Variants in NECTIN3 observed in about 807,000 individuals in gnomAD.
NECTIN3 encodes the protein nectin cell adhesion molecule 3.
A neutral mutation model predicts 49.4 loss-of-function variants in NECTIN3; 8 were observed. The ratio of observed to expected loss-of-function variants is 0.16; its 90% CI spans 0.10 to 0.29. The LOEUF is 0.29. NECTIN3 is among the 10% of genes least tolerant of loss of function. The probability of loss-of-function intolerance (pLI) is 1.00; values close to 1 mark genes in which losing one functional copy is unlikely to be tolerated. For synonymous variants in NECTIN3, 277 were observed against 241.1 expected, an observed-to-expected ratio of 1.15 and a Z score of -1.38; for missense variants, 581 against 654.6, an observed-to-expected ratio of 0.89 and a Z score of 1.23.
chr3:111,192,596 A>T (rs1162678289), intron 1 of NECTIN3, among the ~76,000 whole-genome samples: 1 of 152,198 alleles, frequency 6.6e-6, no homozygotes, highest in East Asian at 1.9e-4. Context: ...GAAACCAATA[A>T]CGGGCAGAAG....
At chr3:111,121,370 T>A (rs1278981804) in intron 3 of NECTIN3, among the ~76,000 whole-genome samples, 1 of 151,932 alleles carries the variant, frequency 6.6e-6, no homozygotes, top group Non-Finnish European at 1.5e-5. Flanking sequence ...CTAAACAGAG[T>A]GATGGTTGAA....
chr3:111,153,583 T>C (rs538940753), intron 7 of NECTIN3, among the ~76,000 whole-genome samples: 1 of 152,140 alleles, frequency 6.6e-6, no homozygotes, highest in Non-Finnish European at 1.5e-5. Context: ...TACTGTGCAT[T>C]TGCTGTTATT....
At chr3:111,140,244 A>G (rs2107503743), downstream of NECTIN3, among the ~76,000 whole-genome samples, 1 of 152,014 alleles carries the variant, frequency 6.6e-6, no homozygotes, top group South Asian at 2.1e-4. Context: ...TTGCTAATCA[A>G]TAACTTCTCC....
intron 1 of NECTIN3, among the ~76,000 whole-genome samples, chr3:111,084,412 T>C (rs867110698): frequency 7.9e-5 from 12 of 152,154 alleles, no homozygotes; most frequent in African/African-American, 2.4e-4. Context: ...GTTTATGTTG[T>C]GTGGATGTTA....
intron 7 of NECTIN3, among the ~76,000 whole-genome samples, chr3:111,153,258 G>A: frequency 6.6e-6 from 1 of 151,950 alleles, no homozygotes; most frequent in East Asian, 1.9e-4. Context: ...CTGCTCTGAG[G>A]TGGAAAAAAA....
chr3:111,109,184 G>C (rs1413078048), intron 1 of NECTIN3, among the ~76,000 whole-genome samples: 1 of 151,998 alleles, frequency 6.6e-6, no homozygotes, highest in Non-Finnish European at 1.5e-5. Context: ...ATCATGGGGA[G>C]CCCACCTGTA....
intron 7 of NECTIN3, among the ~76,000 whole-genome samples, chr3:111,151,994 C>G (rs934442046): frequency 2.0e-5 from 3 of 151,592 alleles, no homozygotes; most frequent in African/African-American, 7.3e-5. Flanking sequence ...ATTTATTTCC[C>G]CCCTGTATAA....
rs1284593448 is a variant in NECTIN3 at position 111,136,511 on chromosome 3, A to G, written c.*2296A>G. 1.0e-6 allele frequency: 1 copy of G among 981,116 alleles called. No homozygotes were observed. The highest frequency in any genetic ancestry group is 1.8e-5 in the African/African-American group (1 of 57,080). 60.8% of individuals were successfully genotyped at this position (981,116 alleles called of 1,614,324 possible). A position where few individuals can be genotyped will look rare whatever the true frequency, so the allele number is the denominator to read the frequency against. The stretch of plus-strand genomic sequence containing the variant: ...GATACTAGTGCTTAAGACTTTGGGA[A>G]GCATTGCACTGTTGTTTATTAGAAC... On this transcript the variant is annotated 3_prime_UTR_variant, in exon 6 of 6. Transcript: ENST00000485303.
intron 7 of NECTIN3, among the ~76,000 whole-genome samples, chr3:111,149,458 G>GGTGTGTGTGTGTGTGT (rs1559809006): frequency 9.1e-6 from 1 of 109,554 alleles, no homozygotes; most frequent in Non-Finnish European, 1.8e-5. Context: ...ATTCTGGTAG[G>GGTGTGTGTGTGTGTGT]ATGTGTGTGT....
At chr3:111,171,127 GTTA>G (rs1437493039) in intron 7 of NECTIN3, among the ~76,000 whole-genome samples, 1 of 151,996 alleles carries the variant, frequency 6.6e-6, no homozygotes, top group Non-Finnish European at 1.5e-5. Context: ...AGCACATGCC[GTTA>G]TTATCTTCAC....
chr3:111,130,784 C>T (rs1317547558), intron 5 of NECTIN3, among the ~76,000 whole-genome samples: 2 of 152,174 alleles, frequency 1.3e-5, no homozygotes, highest in Middle Eastern at 3.4e-3. Flanking sequence ...AATAGTAATA[C>T]TCTCAAGAGG....
intron 1 of NECTIN3, among the ~76,000 whole-genome samples, chr3:111,075,594 A>G (rs2031131273): frequency 6.6e-6 from 1 of 152,158 alleles, no homozygotes; most frequent in Non-Finnish European, 1.5e-5. Context: ...TGATTCTTAA[A>G]TTCTACACCA....
downstream of NECTIN3, among the ~76,000 whole-genome samples, chr3:111,142,528 G>A (rs1020590369): frequency 6.6e-6 from 1 of 151,750 alleles, no homozygotes; most frequent in African/African-American, 2.4e-5. Flanking sequence ...TGGATAGATT[G>A]TAATTAAAAT....
At chr3:111,165,172 T>G (rs1242010332) in intron 7 of NECTIN3, among the ~76,000 whole-genome samples, 1 of 151,924 alleles carries the variant, frequency 6.6e-6, no homozygotes, top group African/African-American at 2.4e-5. Context: ...GCCTCCCGAG[T>G]AGCTGGGACT....
chr3:111,149,713 TA>T (rs2034960000), intron 7 of NECTIN3, among the ~76,000 whole-genome samples: 1 of 151,932 alleles, frequency 6.6e-6, no homozygotes, highest in Admixed American at 6.6e-5. Context: ...TTTCTCATTT[TA>T]TTTTTTTTTT....
At chr3:111,144,982 T>C in exon 6 of NECTIN3, 1 of 1,536,604 alleles carries the variant, frequency 6.5e-7, no homozygotes, top group Non-Finnish European at 8.7e-7. Flanking sequence ...CATTGCTATC[T>C]TTGTGACTGT....
At chr3:111,101,165 A>T (rs1486741329) in intron 1 of NECTIN3, among the ~76,000 whole-genome samples, 1 of 152,118 alleles carries the variant, frequency 6.6e-6, no homozygotes, top group African/African-American at 2.4e-5. Flanking sequence ...CTCTTCTGAA[A>T]ATATGAAGAA....
chr3:111,102,024 T>A (rs557206819), intron 1 of NECTIN3, among the ~76,000 whole-genome samples: 1 of 152,286 alleles, frequency 6.6e-6, no homozygotes, highest in South Asian at 2.1e-4. Flanking sequence ...TCCTCTGGAC[T>A]ATGGCAAATG....
At chr3:111,085,436 A>G (rs1248723586) in intron 1 of NECTIN3, among the ~76,000 whole-genome samples, 1 of 152,218 alleles carries the variant, frequency 6.6e-6, no homozygotes, top group Non-Finnish European at 1.5e-5. Context: ...AAATTGACGT[A>G]TACATCAGAA....
Sources: gnomAD v4.1 joint callset for allele counts (sites outside exome capture counted in the v4.1 genomes callset) on GRCh38, gnomAD v4.1.1 for gene constraint, MANE v1.5 for transcripts, NCBI Gene and HGNC (gene_info 2026-07-23, HGNC 2026-07-21) for gene names.